The following LRMDA variants were observed in gnomAD, a reference collection of about 807,000 sequenced individuals.
LRMDA encodes the protein leucine rich melanocyte differentiation associated.
In LRMDA, 18 loss-of-function variants were observed where a neutral mutation model predicts 29.8. The observed-to-expected ratio is 0.60, with a 90% confidence interval of 0.42 to 0.90. The LOEUF is 0.90. Ranked by LOEUF, LRMDA falls within the 40% of genes least tolerant of loss-of-function variation. The probability of loss-of-function intolerance (pLI) is 0.00; values close to 1 mark genes in which losing one functional copy is unlikely to be tolerated. For synonymous variants in LRMDA, 125 were observed against 109.4 expected (o/e 1.14, Z -0.89); for missense variants, 273 against 273.9 (o/e 1.00, Z 0.02).
At chr10:76,308,241 A>G (rs571809586) in intron 5 of LRMDA, among the ~76,000 whole-genome samples, 1 of 152,238 alleles carries the variant, frequency 6.6e-6, no homozygotes, top group East Asian at 1.9e-4. Flanking sequence ...TTCTCTTTAA[A>G]TACTGTCTTT....
chr10:76,258,827 G>A (rs1182114615), intron 5 of LRMDA, among the ~76,000 whole-genome samples: 1 of 152,032 alleles, frequency 6.6e-6, no homozygotes, highest in Non-Finnish European at 1.5e-5. Context: ...ATATTCCATT[G>A]TGTGTATATA....
intron 5 of LRMDA, among the ~76,000 whole-genome samples, chr10:76,282,484 C>G (rs552038144): frequency 6.6e-6 from 1 of 152,232 alleles, no homozygotes; most frequent in African/African-American, 2.4e-5. Flanking sequence ...CATAGCCTGC[C>G]AGAGAGGCGC....
intron 2 of LRMDA, among the ~76,000 whole-genome samples, chr10:75,653,311 T>C (rs1379287075): frequency 2.6e-5 from 4 of 152,230 alleles, no homozygotes; most frequent in African/African-American, 9.6e-5. Flanking sequence ...TTGTTAGTTC[T>C]CATATAATGT....
chr10:75,851,909 G>T (rs1163673320), intron 2 of LRMDA, among the ~76,000 whole-genome samples: 3 of 152,170 alleles, frequency 2.0e-5, no homozygotes, highest in Non-Finnish European at 4.4e-5. Context: ...CACCTTTGTA[G>T]CATTGCTTCA....
intron 6 of LRMDA, among the ~76,000 whole-genome samples, chr10:76,462,880 CT>C (rs1024098832): frequency 4.3e-4 from 66 of 152,334 alleles, no homozygotes; most frequent in African/African-American, 1.6e-3. Flanking sequence ...TGCTAAATCA[CT>C]TCCCGCTGTT....
chr10:76,065,000 T>C (rs1427189398), intron 5 of LRMDA, among the ~76,000 whole-genome samples: 1 of 152,258 alleles, frequency 6.6e-6, no homozygotes, highest in Non-Finnish European at 1.5e-5. Flanking sequence ...TTCTTTCTAG[T>C]AAATTTTGGA....
chr10:75,724,671 C>T (rs1177175165), intron 2 of LRMDA, among the ~76,000 whole-genome samples: 7 of 152,138 alleles, frequency 4.6e-5, no homozygotes, highest in African/African-American at 7.2e-5. Flanking sequence ...AATTGTAATA[C>T]GCTCATCTAA....
At chr10:75,861,591 T>C (rs1237487195) in intron 2 of LRMDA, among the ~76,000 whole-genome samples, 5 of 152,164 alleles carry the variant, frequency 3.3e-5, no homozygotes, top group Non-Finnish European at 7.4e-5. Context: ...CTTACCTAAA[T>C]GTAAGAACAC....
intron 5 of LRMDA, among the ~76,000 whole-genome samples, chr10:76,266,058 GTTAC>G (rs1840003055): frequency 6.6e-6 from 1 of 152,124 alleles, no homozygotes; most frequent in Non-Finnish European, 1.5e-5. Context: ...TCTCAGACCA[GTTAC>G]TTACCCTCTT....
intron 2 of LRMDA, among the ~76,000 whole-genome samples, chr10:75,750,260 C>T (rs1456345461): frequency 6.7e-6 from 1 of 150,140 alleles, no homozygotes; most frequent in South Asian, 2.1e-4. Context: ...GGGGGCTGCC[C>T]ACCTCCCTCC....
In LRMDA at chr10:76,327,166, A is replaced by C. The variant is rs369076586; in HGVS notation, c.601+2681A>C. On this transcript the variant is annotated intron_variant, in intron 6 of 6. Transcript: ENST00000611255. The stretch of plus-strand genomic sequence containing the variant: ...GAGTGCAATGGCACAATCTTAGCTC[A>C]CTGCAACCTCCGCCTCCTGGGTTCA... Among the ~76,000 whole-genome samples, 12 of 145,888 alleles carry C rather than the reference A, an allele frequency of 8.2e-5. No homozygotes were observed. The East Asian group carries it at 1.6e-3, about 20-fold the overall frequency.
At chr10:76,455,754 G>T (rs1275609634) in intron 6 of LRMDA, among the ~76,000 whole-genome samples, 1 of 152,114 alleles carries the variant, frequency 6.6e-6, no homozygotes, top group Non-Finnish European at 1.5e-5. Flanking sequence ...GAAGTGGCAG[G>T]GGATCAGAGG....
chr10:75,542,945 C>T (rs1840035780), intron 2 of LRMDA, among the ~76,000 whole-genome samples: 1 of 152,206 alleles, frequency 6.6e-6, no homozygotes, highest in Admixed American at 6.5e-5. Flanking sequence ...TTGTTAATGA[C>T]ACCGAGGAGT....
chr10:75,493,332 T>C (rs1294087923), intron 2 of LRMDA, among the ~76,000 whole-genome samples: 1 of 143,618 alleles, frequency 7.0e-6, no homozygotes, highest in Admixed American at 7.2e-5. Context: ...GAGAGAGCCA[T>C]AGAGGGTTGA....
At chr10:75,793,333 T>C (rs1177777595) in intron 2 of LRMDA, among the ~76,000 whole-genome samples, 2 of 152,100 alleles carry the variant, frequency 1.3e-5, no homozygotes, top group African/African-American at 4.8e-5. Context: ...AGGAAAGCAG[T>C]GTACTGGGTT....
chr10:75,701,218 C>G (rs1842304636), intron 2 of LRMDA, among the ~76,000 whole-genome samples: 1 of 152,126 alleles, frequency 6.6e-6, no homozygotes, highest in African/African-American at 2.4e-5. Context: ...ACGCGAGAGG[C>G]TGTGAGAATC....
At chr10:75,529,552 GCAGCCTGGAGTGCCAT>G (rs1246386312) in intron 2 of LRMDA, among the ~76,000 whole-genome samples, 1 of 152,168 alleles carries the variant, frequency 6.6e-6, no homozygotes, top group Non-Finnish European at 1.5e-5. Flanking sequence ...ATCCCAGAAG[GCAGCCTGGAGTGCCAT>G]CAGCCTGGAG....
At chr10:76,043,607 G>T (rs969229440) in intron 3 of LRMDA, among the ~76,000 whole-genome samples, 1 of 151,640 alleles carries the variant, frequency 6.6e-6, no homozygotes, top group African/African-American at 2.4e-5. Flanking sequence ...TCTTTCCCAG[G>T]GCCTTGGAAG....
intron 5 of LRMDA, among the ~76,000 whole-genome samples, chr10:76,092,953 TC>T (rs1425996813): frequency 2.0e-5 from 3 of 152,208 alleles, no homozygotes; most frequent in Non-Finnish European, 4.4e-5. Flanking sequence ...AAAATGGAAC[TC>T]AGGTATTTCT....
Sources: allele counts gnomAD v4.1 joint callset (sites outside exome capture counted in the v4.1 genomes callset), GRCh38; gene constraint gnomAD v4.1.1; transcripts MANE v1.5; gene names NCBI Gene and HGNC (gene_info 2026-07-23, HGNC 2026-07-21).